PTGFRN: variants seen among roughly 807,000 people sequenced by gnomAD.
PTGFRN encodes the protein prostaglandin F2 receptor negative regulator.
A neutral mutation model predicts 83.2 loss-of-function variants in PTGFRN; 35 were observed. That is an observed-to-expected ratio of 0.42 (90% CI 0.32 to 0.56). The LOEUF (loss-of-function observed/expected upper bound fraction) is 0.56. Among genes scored for constraint, PTGFRN ranks in the 20% least tolerant of loss-of-function variants. The pLI is 0.11. For missense variants in PTGFRN, 1,051 were observed against 1,179.5 expected, an observed-to-expected ratio of 0.89 and a Z score of 1.60; for synonymous variants, 519 against 498.6, an observed-to-expected ratio of 1.04 and a Z score of -0.55.
At chr1:116,956,162 T>G (rs112869931) in intron 4 of PTGFRN, among the ~76,000 whole-genome samples, 3 of 152,094 alleles carry the variant, frequency 2.0e-5, no homozygotes, top group Non-Finnish European at 4.4e-5. Flanking sequence ...TCTCCAGGAG[T>G]GTAAGTCTAA....
rs771637460 is a variant in PTGFRN, at chr1:116,984,807, C to T, written c.2295C>T (p.Asp765=). ...CCTCCCGGAGGGACTGGAAGAGCGA[C>T]CTCAGCCTGGAGCGCGTGAGTGTGC... ...VTTSRRDWKS[D]LSLERVSVLE... The change falls in exon 8 of 9, where the codon GAC becomes GAT. Residue 765 remains aspartate (D), a synonymous_variant. Transcript: ENST00000393203. 6.8e-6 allele frequency: 11 copies of T among 1,613,966 alleles called. No homozygotes were observed. In the African/African-American group the frequency reaches 9.3e-5, roughly 14 times the overall value.
At position 116,918,543 on chromosome 1, in the gene PTGFRN, G is replaced by C. The variant is rs897394196; in HGVS notation, c.49+8291G>C. On this transcript the variant is annotated intron_variant, in intron 1 of 8. Coordinates refer to ENST00000393203, the MANE Select transcript of PTGFRN (RefSeq NM_020440.4). The surrounding 1 kb of genome is among the most constrained non-coding windows in gnomAD (Gnocchi z 4.1). ...AGATCCGCAGGGGATTCAAATGCAT[G>C]CTAAAGTTTAAGAAGCATGTCTGGA... 6.6e-6 allele frequency among the ~76,000 whole-genome samples: 1 copy of C among 152,180 alleles called. No individual in the cohort carries two copies. Among genetic ancestry groups the C allele is most frequent in the African/African-American group, 2.4e-5 (1 of 41,438 alleles).
intron 7 of PTGFRN, among the ~76,000 whole-genome samples, chr1:116,978,012 T>C (rs1196424148): frequency 2.0e-5 from 3 of 152,132 alleles, no homozygotes; most frequent in Non-Finnish European, 4.4e-5. Context: ...AAGAATCAAA[T>C]AGATGCAATA....
At chr1:116,945,285 G>A (rs1157072339) in intron 3 of PTGFRN, among the ~76,000 whole-genome samples, 193 bp downstream of exon 3, 5 of 152,174 alleles carry the variant, frequency 3.3e-5, no homozygotes, top group Admixed American at 2.6e-4. Flanking sequence ...TTTGTTTTGT[G>A]CTGAGGATGC....
chr1:116,961,011 T>G lies in PTGFRN; in HGVS notation c.1214-232T>G, dbSNP rs1254394360. Among the ~76,000 whole-genome samples, 4 of 152,112 alleles carry G rather than the reference T, an allele frequency of 2.6e-5. No homozygotes were observed. Among genetic ancestry groups the G allele is most frequent in the Admixed American group, 1.3e-4 (2 of 15,282 alleles). On this transcript the variant is annotated intron_variant, in intron 4 of 8. Coordinates refer to ENST00000393203, the MANE Select transcript of PTGFRN (RefSeq NM_020440.4). This position sits in a 1 kb window ranked among gnomAD's most constrained non-coding sequence, Gnocchi z 5.4. ...CTGGCCGAGGACATTGGGCTTCTGT[T>G]CTTGGGAGGTTTTCTTGGGGTGGGA...
rs772759104 is a variant in PTGFRN at position 116,968,502 on chromosome 1, G to A, written c.2059+1172G>A. ...GCCCTTAGATTTGGAGAAAGCATAG[G>A]CCTCCTTTATTGTGTATCTGTTTGT... On this transcript the variant is annotated intron_variant, in intron 6 of 8. Coordinates refer to ENST00000393203, the MANE Select transcript of PTGFRN (RefSeq NM_020440.4). Among the ~76,000 whole-genome samples, 10 of 152,036 alleles carry A rather than the reference G, an allele frequency of 6.6e-5. No homozygotes were observed. The Middle Eastern group carries it at 0.01, about 155-fold the overall frequency.
At chr1:116,926,185 G>C (rs1310030115) in intron 1 of PTGFRN, among the ~76,000 whole-genome samples, 1 of 152,230 alleles carries the variant, frequency 6.6e-6, no homozygotes, top group South Asian at 2.1e-4. Flanking sequence ...GAGTCGGGTT[G>C]GTGGGGAGTT....
intron 7 of PTGFRN, among the ~76,000 whole-genome samples, chr1:116,982,509 A>G (rs1223378545): frequency 6.6e-6 from 1 of 152,160 alleles, no homozygotes; most frequent in East Asian, 1.9e-4. Flanking sequence ...GGGTGGGGAC[A>G]GCAGACTTTG....
chr1:116,935,196 T>C (rs911570673), intron 1 of PTGFRN, among the ~76,000 whole-genome samples: 5 of 152,204 alleles, frequency 3.3e-5, no homozygotes, highest in African/African-American at 9.7e-5. Flanking sequence ...TGCCTTTTTT[T>C]CGTAGGATCT....
chr1:116,919,135 A>T (rs1301748526), intron 1 of PTGFRN, among the ~76,000 whole-genome samples: 1 of 152,198 alleles, frequency 6.6e-6, no homozygotes, highest in Non-Finnish European at 1.5e-5. Context: ...ATTTATTCAG[A>T]GTTTCTGCCT....
intron 1 of PTGFRN, among the ~76,000 whole-genome samples, chr1:116,912,538 T>G (rs1649299456): frequency 6.6e-6 from 1 of 152,192 alleles, no homozygotes; most frequent in South Asian, 2.1e-4. Flanking sequence ...TACCACAGAC[T>G]CCAGCTTCTT....
chr1:116,945,057 C>G lies in PTGFRN; in HGVS notation c.797C>G (p.Ala266Gly). Residue 266 changes from alanine to glycine, a missense_variant, in exon 3 of 9, where the codon GCC (alanine) becomes GGC (glycine). By Grantham distance (60) the Ala-to-Gly change is moderately conservative. Coordinates refer to ENST00000393203, the MANE Select transcript of PTGFRN (RefSeq NM_020440.4). ...AACTGGCAGGAAATCCAAGAAAAGG[C>G]CGTGGAAGTTGCCACCGTGGTGATC... is the stretch of plus-strand genomic sequence containing the variant. ...QGNWQEIQEK[A>G]VEVATVVIQP... 1.2e-6 allele frequency: 2 copies of G among 1,613,394 alleles called. No homozygotes were observed. The highest frequency in any genetic ancestry group is 1.7e-6 in the Non-Finnish European group (2 of 1,179,822).
At chr1:116,942,776 T>TG (rs1415095339) in intron 2 of PTGFRN, among the ~76,000 whole-genome samples, 4 of 152,232 alleles carry the variant, frequency 2.6e-5, no homozygotes, top group Non-Finnish European at 5.9e-5. Context: ...GGATTTGTTT[T>TG]GGGGGTTTTG....
In PTGFRN at chr1:116,928,266, A is replaced by T. The variant is rs73012736; in HGVS notation, c.50-13449A>T. Among the ~76,000 whole-genome samples, 3 of 152,172 alleles carry T rather than the reference A, an allele frequency of 2.0e-5. No homozygotes were observed. In the East Asian group the frequency reaches 5.8e-4, roughly 29 times the overall value. On this transcript the variant is annotated intron_variant, in intron 1 of 8. Coordinates refer to ENST00000393203, the MANE Select transcript of PTGFRN (RefSeq NM_020440.4). ...TTCACCTTTTTGATTGTCAATTCTGATATTTCCCTCTGTGACCACAACCTC... is the reference window on the plus strand; with the variant it reads ...TTCACCTTTTTGATTGTCAATTCTGTTATTTCCCTCTGTGACCACAACCTC...
In PTGFRN at chr1:116,944,961, T is replaced by C. The variant is rs143781613; in HGVS notation, c.701T>C (p.Val234Ala). The C allele has an allele frequency of 4.5e-5, 73 of 1,613,524 alleles. No individual in the cohort carries two copies. Among genetic ancestry groups the C allele is most frequent in the Non-Finnish European group, 5.8e-5 (68 of 1,180,024 alleles). ...GGCAGCGACGCCTACCGCCTCTCAG[T>C]GTCCCGGGCTCTGTCTGCCGACCAG... The part of the protein sequence containing the change: ...TVGSDAYRLS[V>A]SRALSADQGS... The change falls in exon 3 of 9, where the codon GTG (valine) becomes GCG (alanine). Residue 234 changes from valine to alanine, a missense_variant. By Grantham distance (64) the Val-to-Ala change is moderately conservative (BLOSUM62 0). Transcript: ENST00000393203.
intron 4 of PTGFRN, among the ~76,000 whole-genome samples, chr1:116,953,655 C>T (rs1650404356): frequency 6.6e-6 from 1 of 151,836 alleles, no homozygotes; most frequent in Non-Finnish European, 1.5e-5. Flanking sequence ...AAGAGTTTGT[C>T]TTAGGGCATG....
intron 7 of PTGFRN, among the ~76,000 whole-genome samples, chr1:116,976,247 T>C (rs572528966): frequency 1.3e-5 from 2 of 152,316 alleles, no homozygotes; most frequent in East Asian, 1.9e-4. Context: ...CTGTGTCTGA[T>C]TGGTGTACCT....
chr1:116,951,159 G>A (rs950525892), intron 4 of PTGFRN, among the ~76,000 whole-genome samples: 1 of 152,170 alleles, frequency 6.6e-6, no homozygotes, highest in Non-Finnish European at 1.5e-5. Flanking sequence ...CCAATTTGAG[G>A]CTTCTTTGAA....
At chr1:116,981,643 A>T (rs1194780774) in intron 7 of PTGFRN, among the ~76,000 whole-genome samples, 5 of 152,210 alleles carry the variant, frequency 3.3e-5, no homozygotes, top group Admixed American at 3.3e-4. Context: ...AGGTCAGCAA[A>T]TATTTTCTGT....
Sources: allele counts gnomAD v4.1 joint callset (sites outside exome capture counted in the v4.1 genomes callset), GRCh38; gene constraint gnomAD v4.1.1; non-coding constraint Gnocchi (gnomAD v3.1); transcripts MANE v1.5; gene names NCBI Gene and HGNC (gene_info 2026-07-23, HGNC 2026-07-21).